TP53I11: variants seen among roughly 807,000 people sequenced by gnomAD.
TP53I11 encodes tumor protein p53 inducible protein 11, also known as tumor protein p53-inducible protein 11.
In TP53I11, 9 loss-of-function variants were observed where a neutral mutation model predicts 23.3. That is an observed-to-expected ratio of 0.39 (90% CI 0.23 to 0.67). TP53I11 has a LOEUF of 0.67. Ranked by LOEUF, TP53I11 falls within the 30% of genes least tolerant of loss-of-function variation. The pLI, the probability that TP53I11 is intolerant of heterozygous loss-of-function variation, is 0.48. For missense variants in TP53I11, 170 were observed against 255.2 expected, an observed-to-expected ratio of 0.67 and a Z score of 2.27; for synonymous variants, 100 against 106.1, an observed-to-expected ratio of 0.94 and a Z score of 0.35.
intron 2 of TP53I11, 112 bp downstream of exon 2, chr11:44,938,095 G>C: frequency 7.3e-7 from 1 of 1,378,796 alleles, no homozygotes; most frequent in South Asian, 1.5e-5. Flanking sequence ...AGGAAAATCA[G>C]CTAAGTCCTA....
At position 44,933,140 on chromosome 11, in the gene TP53I11, G is replaced by A. The variant is rs1860723748; in HGVS notation, c.*1744C>T. On this transcript the variant is annotated 3_prime_UTR_variant, in exon 7 of 7. Coordinates refer to ENST00000525680, the MANE Select transcript of TP53I11 (RefSeq NM_006034.5). ...TAGCAAGAGACAGATGCCAGGAGAGGGGCCCTTCCTCAGGGTCCAGCCTCC... is the reference window on the plus strand; with the variant it reads ...TAGCAAGAGACAGATGCCAGGAGAGAGGCCCTTCCTCAGGGTCCAGCCTCC... 1.3e-5 allele frequency: 2 copies of A among 152,226 alleles called. No individual in the cohort carries two copies. Among genetic ancestry groups the A allele is most frequent in the African/African-American group, 4.8e-5 (2 of 41,448 alleles). The allele number at this position is 152,226 out of a possible 1,614,324, so 9.4% of individuals were successfully genotyped here. A position where few individuals can be genotyped will look rare whatever the true frequency, so the allele number is the denominator to read the frequency against.
chr11:44,935,230 A>C (rs1334860472), intron 6 of TP53I11, among the ~76,000 whole-genome samples: 9 of 152,200 alleles, frequency 5.9e-5, no homozygotes, highest in Non-Finnish European at 1.3e-4. Context: ...GAACTGGGGC[A>C]CAGCAGGTGG....
chr11:44,936,903 C>T lies in TP53I11; in HGVS notation c.238-4G>A, dbSNP rs756978474. On this transcript the variant is annotated splice_polypyrimidine_tract_variant and splice_region_variant and intron_variant, in intron 4 of 6. Transcript: ENST00000525680. This position sits in a 1 kb window ranked among gnomAD's most constrained non-coding sequence, Gnocchi z 4.4. ...GCTGGTCAGGGAAGGCAAGCGCCTG[C>T]GGGCAGCGAGAGGGGCTCAGAGGTC... 1.9e-5 allele frequency: 31 copies of T among 1,598,892 alleles called. No individual in the cohort carries two copies. The highest frequency in any genetic ancestry group is 2.3e-5 in the South Asian group (2 of 88,140).
rs574238917 is a variant in TP53I11 at position 44,936,722 on chromosome 11, G to A, written c.334+81C>T. On this transcript the variant is annotated intron_variant, in intron 5 of 6. Transcript: ENST00000525680. This position sits in a 1 kb window ranked among gnomAD's most constrained non-coding sequence, Gnocchi z 4.4. Reference sequence around the variant, plus strand: ...AAGAAAGGAAGGGGTGCCCGGGCACGGACCCCCGTGCTCTCCTCAGCCCCG... The same window carrying A: ...AAGAAAGGAAGGGGTGCCCGGGCACAGACCCCCGTGCTCTCCTCAGCCCCG... 6.6e-4 allele frequency: 888 copies of A among 1,352,094 alleles called. 8 individuals carry two copies. The highest frequency in any genetic ancestry group is 7.6e-5 in the African/African-American group (5 of 65,788). 83.8% of individuals were successfully genotyped at this position (1,352,094 alleles called of 1,614,324 possible).
chr11:44,935,255 G>A (rs546774338), intron 6 of TP53I11, among the ~76,000 whole-genome samples: 2 of 152,182 alleles, frequency 1.3e-5, no homozygotes, highest in Admixed American at 6.5e-5. Flanking sequence ...AATTGAATGC[G>A]TGTTATTACA....
intron 3 of TP53I11, 50 bp from the exon 4 acceptor site, chr11:44,937,402 C>G: frequency 1.4e-6 from 2 of 1,478,696 alleles, no homozygotes; most frequent in Non-Finnish European, 1.8e-6. Flanking sequence ...GGACCCTCCC[C>G]TCTCCAGCCC....
chr11:44,941,709 T>C (rs12421524), intron 1 of TP53I11, among the ~76,000 whole-genome samples: 43,846 of 152,082 alleles, frequency 0.29, 7,866 homozygotes, highest in Middle Eastern at 0.45. Flanking sequence ...GCCTCCCATG[T>C]GGCAGTGGCA....
Position 44,934,039 on chromosome 11 carries a change from G to A in TP53I11, c.*845C>T, listed in dbSNP as rs1235202240. On this transcript the variant is annotated 3_prime_UTR_variant, in exon 7 of 7. Transcript: ENST00000525680. ...GAACTCAGGCTGGTTGCAGGGAGGG[G>A]GCTCCCAGGGCATTCCAGTGTCCTA... 2 of 152,644 alleles carry A rather than the reference G, an allele frequency of 1.3e-5. No homozygotes were observed. Among genetic ancestry groups the A allele is most frequent in the East Asian group, 3.8e-4 (2 of 5,210 alleles). 9.5% of individuals were successfully genotyped at this position (152,644 alleles called of 1,614,324 possible).
At chr11:44,949,710 G>C (rs913623070) in intron 1 of TP53I11, among the ~76,000 whole-genome samples, 2 of 152,086 alleles carry the variant, frequency 1.3e-5, no homozygotes, top group African/African-American at 4.8e-5. Context: ...CCCCGGGTAG[G>C]TGCGAGTGTT....
chr11:44,937,450 G>A (rs1861275828), intron 3 of TP53I11, 98 bp from the exon 4 acceptor site: 3 of 1,518,228 alleles, frequency 2.0e-6, no homozygotes, highest in Non-Finnish European at 2.7e-6. Context: ...AAGGTAATGA[G>A]ACAAAATAAA....
In TP53I11 at chr11:44,935,677, G is replaced by GGGTTTC; in HGVS notation, c.335-16_335-15insGAAACC. Reference sequence around the variant, plus strand: ...CAGGGAGATGCCTGGGGCGGGGGATGAAAAGGGGGCTGGGGGTGGGACAGC... The same window carrying GGGTTTC: ...CAGGGAGATGCCTGGGGCGGGGGATGGGTTTCAAAAGGGGGCTGGGGGTGGGACAGC... On this transcript the variant is annotated splice_polypyrimidine_tract_variant and intron_variant, in intron 5 of 6. Coordinates refer to ENST00000525680, the MANE Select transcript of TP53I11 (RefSeq NM_006034.5). 1.7e-6 allele frequency: 1 copy of GGGTTTC among 575,492 alleles called. No individual in the cohort carries two copies. Among genetic ancestry groups the GGGTTTC allele is most frequent in the Non-Finnish European group, 3.1e-6 (1 of 318,296 alleles). 35.6% of individuals were successfully genotyped at this position (575,492 alleles called of 1,614,324 possible).
rs891006626 is a variant in TP53I11, at chr11:44,937,189, G to A, written c.237+115C>T. ...GTTCTCGGAGGCAGCCCCAGAGCCT[G>A]ACAGATGGGCCCCTGCACGAGGGGC... On this transcript the variant is annotated intron_variant, in intron 4 of 6. Transcript: ENST00000525680. The A allele has an allele frequency of 9.6e-6, 13 of 1,354,300 alleles. No homozygotes were observed. The Admixed American group carries it at 1.0e-4, about 10-fold the overall frequency. 83.9% of individuals were successfully genotyped at this position (1,354,300 alleles called of 1,614,324 possible). A position where few individuals can be genotyped will look rare whatever the true frequency, so the allele number is the denominator to read the frequency against.
chr11:44,935,080 C>A (rs865829984), intron 6 of TP53I11, 63 bp from the exon 7 acceptor site: 1 of 1,601,358 alleles, frequency 6.2e-7, no homozygotes, highest in Middle Eastern at 1.7e-4. Context: ...AGCGCTGCCC[C>A]CCTAGCCCGG....
At chr11:44,939,802 C>G (rs1010139338) in intron 1 of TP53I11, among the ~76,000 whole-genome samples, 1 of 152,236 alleles carries the variant, frequency 6.6e-6, no homozygotes, top group African/African-American at 2.4e-5. Flanking sequence ...CCAAACTACC[C>G]TCCTACGCCC....
At chr11:44,943,253 T>G (rs1385938731) in intron 1 of TP53I11, 1 of 152,278 alleles carries the variant, frequency 6.6e-6, no homozygotes, top group Non-Finnish European at 1.5e-5. Context: ...TCCACTTCCC[T>G]TTCTCCACTC....
At position 44,936,002 on chromosome 11, in the gene TP53I11, G is replaced by A; in HGVS notation, c.335-340C>T. The stretch of plus-strand genomic sequence containing the variant: ...TGTCCGGTTCTGTCAGGAGGATGCT[G>A]TGTTCATGGAGTTCATGAGTTAATG... On this transcript the variant is annotated intron_variant, in intron 5 of 6. Transcript: ENST00000525680. The surrounding 1 kb of genome is among the most constrained non-coding windows in gnomAD (Gnocchi z 4.4). 2 of 399,028 alleles carry A rather than the reference G, an allele frequency of 5.0e-6. No individual in the cohort carries two copies. Among genetic ancestry groups the A allele is most frequent in the South Asian group, 3.2e-5 (1 of 31,518 alleles). 24.7% of individuals were successfully genotyped at this position (399,028 alleles called of 1,614,324 possible).
chr11:44,948,151 CG>C (rs1044021376), intron 1 of TP53I11, among the ~76,000 whole-genome samples: 4 of 152,100 alleles, frequency 2.6e-5, no homozygotes, highest in Non-Finnish European at 5.9e-5. Flanking sequence ...CACAGGGTGC[CG>C]GGGAGGTATC....
chr11:44,947,058 G>A (rs1323312551), intron 1 of TP53I11: 5 of 456,260 alleles, frequency 1.1e-5, no homozygotes, highest in Admixed American at 7.0e-5. Flanking sequence ...GAGGGCGAGA[G>A]GTCAGGGCAG....
intron 3 of TP53I11, 27 bp from the exon 4 acceptor site, chr11:44,937,379 G>T: frequency 6.8e-7 from 1 of 1,476,530 alleles, no homozygotes; most frequent in Non-Finnish European, 9.0e-7. Flanking sequence ...GAAGATCACA[G>T]CCCTGCCCCA....
Sources: allele counts gnomAD v4.1 joint callset (sites outside exome capture counted in the v4.1 genomes callset), GRCh38; gene constraint gnomAD v4.1.1; non-coding constraint Gnocchi (gnomAD v3.1); transcripts MANE v1.5; gene names NCBI Gene and HGNC (gene_info 2026-07-23, HGNC 2026-07-21).